Variants in FAM13B observed in about 807,000 individuals in gnomAD.
The protein encoded by FAM13B is family with sequence similarity 13 member B, also known as protein FAM13B.
Under a neutral mutation model 117.3 loss-of-function variants are expected in FAM13B, and 60 were observed. That is an observed-to-expected ratio of 0.51 (90% CI 0.42 to 0.63). FAM13B has a LOEUF of 0.63. FAM13B is among the 30% of genes least tolerant of loss of function. FAM13B has a pLI of 0.00. For missense variants in FAM13B, 972 were observed against 1,091.9 expected, an observed-to-expected ratio of 0.89 and a Z score of 1.55; for synonymous variants, 332 against 356.1, an observed-to-expected ratio of 0.93 and a Z score of 0.76.
intron 18 of FAM13B, 92 bp from the exon 19 acceptor site, chr5:137,946,403 C>T: frequency 5.1e-6 from 4 of 791,740 alleles, no homozygotes; most frequent in Non-Finnish European, 8.1e-6. Context: ...TCCTCACTCC[C>T]ACAATGTAAA....
chr5:137,980,386 T>C (rs770669904), intron 10 of FAM13B, among the ~76,000 whole-genome samples: 1 of 151,678 alleles, frequency 6.6e-6, no homozygotes, highest in Non-Finnish European at 1.5e-5. Flanking sequence ...CTAAAAACAA[T>C]TTTAGAAAGA....
At chr5:137,987,649 C>A in intron 8 of FAM13B, 33 bp from the exon 9 acceptor site, 1 of 1,589,724 alleles carries the variant, frequency 6.3e-7, no homozygotes, top group South Asian at 1.1e-5. Flanking sequence ...AAGAAGCAGT[C>A]ACTCTAACTG....
In FAM13B at chr5:137,985,530, T is replaced by G. The variant is rs779623575; in HGVS notation, c.1047-141A>C. The G allele has an allele frequency of 5.0e-6, 4 of 797,818 alleles. No homozygotes were observed. The East Asian group carries it at 1.1e-4, about 22-fold the overall frequency. 49.4% of individuals were successfully genotyped at this position (797,818 alleles called of 1,614,324 possible). Reference sequence around the variant, plus strand: ...GTACCTTTCACAAAAATCCACACTTTTATCTTGCTAAATTAGATTATTAAA... The same window carrying G: ...GTACCTTTCACAAAAATCCACACTTGTATCTTGCTAAATTAGATTATTAAA... On this transcript the variant is annotated intron_variant, in intron 9 of 23. Transcript: ENST00000689681.
intron 7 of FAM13B, among the ~76,000 whole-genome samples, chr5:137,998,816 C>T (rs549777050): frequency 6.6e-6 from 1 of 152,194 alleles, no homozygotes; most frequent in Non-Finnish European, 1.5e-5. Flanking sequence ...ATATCCCATC[C>T]CCATCATGGT....
intron 7 of FAM13B, among the ~76,000 whole-genome samples, chr5:137,994,476 T>C (rs1262207858): frequency 6.6e-6 from 1 of 152,058 alleles, no homozygotes; most frequent in Non-Finnish European, 1.5e-5. Flanking sequence ...CACACACCAA[T>C]AGAAATAAAA....
In FAM13B at chr5:137,946,304, G is replaced by C; in HGVS notation, c.2168C>G (p.Thr723Ser). ...TTTCTCTTCTACCAAATGATCTTTG[G>C]TCATTTTCTGGAATTAAACAAAAAA... Reference protein sequence around the residue: ...RCLPEDIKKMTKDHLVEEKAS... With the variant: ...RCLPEDIKKMSKDHLVEEKAS... The change falls in exon 19 of 24, where the codon ACC (threonine) becomes AGC (serine). Residue 723 changes from threonine (T) to serine (S), a missense_variant. Transcript: ENST00000689681. The C allele has an allele frequency of 6.6e-7, 1 of 1,519,864 alleles. No individual in the cohort carries two copies. Among genetic ancestry groups the C allele is most frequent in the South Asian group, 1.3e-5 (1 of 77,774 alleles). The allele number at this position is 1,519,864 out of a possible 1,614,324, so 94.1% of individuals were successfully genotyped here. A position where few individuals can be genotyped will look rare whatever the true frequency, so the allele number is the denominator to read the frequency against.
intron 6 of FAM13B, among the ~76,000 whole-genome samples, chr5:138,010,678 C>T (rs1783748789): frequency 6.6e-6 from 1 of 152,044 alleles, no homozygotes; most frequent in South Asian, 2.1e-4. Flanking sequence ...CACCCCTTGC[C>T]TATATTCCTC....
intron 1 of FAM13B, among the ~76,000 whole-genome samples, chr5:138,041,363 AT>A (rs1337805548): frequency 2.0e-5 from 3 of 152,180 alleles, no homozygotes; most frequent in Non-Finnish European, 2.9e-5. Flanking sequence ...GAGAGGGTAA[AT>A]TAAAGTATTA....
intron 1 of FAM13B, among the ~76,000 whole-genome samples, chr5:138,050,216 T>G (rs1178209542): frequency 1.3e-5 from 2 of 152,014 alleles, no homozygotes; most frequent in Non-Finnish European, 2.9e-5. Flanking sequence ...GGCAGGCAGA[T>G]CACCTGAGAT....
chr5:138,023,410 G>A (rs1031826427), intron 1 of FAM13B, among the ~76,000 whole-genome samples: 2 of 152,024 alleles, frequency 1.3e-5, no homozygotes, highest in Non-Finnish European at 2.9e-5. Context: ...ACATTGCAAG[G>A]CTCACCAATT....
At chr5:137,957,398 G>A (rs182997260) in intron 13 of FAM13B, among the ~76,000 whole-genome samples, 1 of 151,974 alleles carries the variant, frequency 6.6e-6, no homozygotes, top group East Asian at 1.9e-4. Context: ...AAATTAGCCG[G>A]GTGTAGTGGC....
chr5:138,009,512 G>A (rs1783416272), intron 6 of FAM13B, among the ~76,000 whole-genome samples: 1 of 151,848 alleles, frequency 6.6e-6, no homozygotes, highest in Non-Finnish European at 1.5e-5. Context: ...GTTTTCAGAA[G>A]TATAAAAGGG....
At chr5:138,003,139 C>G (rs1000085874) in intron 7 of FAM13B, among the ~76,000 whole-genome samples, 56 of 152,062 alleles carry the variant, frequency 3.7e-4, no homozygotes, top group African/African-American at 1.4e-3. Context: ...GCAGTAATAA[C>G]AACCGTAAAA....
intron 16 of FAM13B, 116 bp downstream of exon 16, chr5:137,953,220 C>A: frequency 9.0e-7 from 1 of 1,105,660 alleles, no homozygotes; most frequent in Admixed American, 2.2e-5. Flanking sequence ...ACTGTTCCTC[C>A]GGGTATCTCA....
At chr5:137,964,308 G>A (rs978492801) in intron 10 of FAM13B, among the ~76,000 whole-genome samples, 15 of 151,736 alleles carry the variant, frequency 9.9e-5, no homozygotes, top group East Asian at 7.9e-4. Flanking sequence ...GATGGGTTTC[G>A]GCATGTTGGC....
At chr5:138,021,259 A>C (rs1166438461) in intron 1 of FAM13B, 62 bp from the exon 2 acceptor site, 1 of 1,166,750 alleles carries the variant, frequency 8.6e-7, no homozygotes, top group Non-Finnish European at 1.1e-6. Context: ...GAGACTATTA[A>C]TAGAAGCAGC....
chr5:137,973,295 A>T (rs973450429), intron 10 of FAM13B, among the ~76,000 whole-genome samples: 10 of 152,174 alleles, frequency 6.6e-5, no homozygotes, highest in African/African-American at 2.4e-4. Context: ...AGCCCTCAGA[A>T]ATAATGCTGC....
chr5:138,030,718 C>CA (rs947654028), intron 1 of FAM13B, among the ~76,000 whole-genome samples: 1 of 143,666 alleles, frequency 7.0e-6, no homozygotes, highest in East Asian at 2.2e-4. Flanking sequence ...CCGTCCCCCC[C>CA]CCCCAAAAAA....
intron 4 of FAM13B, among the ~76,000 whole-genome samples, chr5:138,013,985 G>A (rs1784675645): frequency 6.6e-6 from 1 of 152,166 alleles, no homozygotes; most frequent in African/African-American, 2.4e-5. Flanking sequence ...CCAGGCTGGA[G>A]TGCAGTGGCA....
Sources: gnomAD v4.1 joint callset for allele counts (sites outside exome capture counted in the v4.1 genomes callset) on GRCh38, gnomAD v4.1.1 for gene constraint, MANE v1.5 for transcripts, NCBI Gene and HGNC (gene_info 2026-07-23, HGNC 2026-07-21) for gene names.